PDE4B: variants seen among roughly 807,000 people sequenced by gnomAD.
PDE4B encodes phosphodiesterase 4B.
In PDE4B, 20 loss-of-function variants were observed where a neutral mutation model predicts 82.2. That is an observed-to-expected ratio of 0.24 (90% CI 0.17 to 0.35). The LOEUF is 0.35. PDE4B is among the 10% of genes least tolerant of loss of function. The pLI, the probability that PDE4B is intolerant of heterozygous loss-of-function variation, is 1.00. For missense variants in PDE4B, 655 were observed against 907.2 expected (o/e 0.72, Z 3.57); for synonymous variants, 320 against 318.9 (o/e 1.00, Z -0.04).
chr1:65,835,320 T>G (rs1202753557), intron 1 of PDE4B, among the ~76,000 whole-genome samples: 2 of 152,146 alleles, frequency 1.3e-5, no homozygotes, highest in Non-Finnish European at 2.9e-5. Context: ...CCAAAGCAAT[T>G]CCTGAGCCAT....
chr1:65,948,319 A>T (rs142020339), intron 3 of PDE4B, among the ~76,000 whole-genome samples: 5 of 151,808 alleles, frequency 3.3e-5, no homozygotes, highest in Non-Finnish European at 7.4e-5. Context: ...TATATATATT[A>T]TATATATGAG....
chr1:66,266,012 A>C, intron 6 of PDE4B, 26 bp from the exon 7 acceptor site: 1 of 1,598,992 alleles, frequency 6.3e-7, no homozygotes, highest in Admixed American at 1.7e-5. Flanking sequence ...ACACAGACTC[A>C]GTCCTTCTTT....
rs1290808725 is a variant in PDE4B, at chr1:66,101,712, T to A, written c.282-145748T>A. 1.2e-4 allele frequency among the ~76,000 whole-genome samples: 19 copies of A among 152,226 alleles called. No homozygotes were observed. In the East Asian group the frequency reaches 1.4e-3, roughly 11 times the overall value. ...TTTTCTTGTTAATTTGTTTGAGTTC[T>A]TCGTAGATTCTGGATATTAGCCCTT... On this transcript the variant is annotated intron_variant, in intron 3 of 16. Coordinates refer to ENST00000341517, the MANE Select transcript of PDE4B (RefSeq NM_002600.4).
intron 3 of PDE4B, among the ~76,000 whole-genome samples, chr1:66,011,339 A>G (rs1652476635): frequency 6.6e-6 from 1 of 151,894 alleles, no homozygotes. Flanking sequence ...CTTTAATTGG[A>G]ATTATGTTTC....
At chr1:65,914,604 A>T (rs200869820) in intron 2 of PDE4B, among the ~76,000 whole-genome samples, 1 of 89,954 alleles carries the variant, frequency 1.1e-5, no homozygotes, top group Non-Finnish European at 2.5e-5. Flanking sequence ...TTTTTTTCTT[A>T]AAAAAAAAAA....
chr1:66,026,564 A>C (rs913072713), intron 3 of PDE4B, among the ~76,000 whole-genome samples: 6 of 152,228 alleles, frequency 3.9e-5, no homozygotes, highest in Non-Finnish European at 8.8e-5. Context: ...AATAACACTT[A>C]ATTTATGGGT....
chr1:66,255,317 A>G (rs1375061833), intron 4 of PDE4B, among the ~76,000 whole-genome samples: 4 of 151,794 alleles, frequency 2.6e-5, no homozygotes, highest in Admixed American at 2.6e-4. Flanking sequence ...CAAACTCCCA[A>G]CCTCAGGTGA....
At chr1:66,193,364 C>T (rs1401797000) in intron 3 of PDE4B, among the ~76,000 whole-genome samples, 1 of 152,132 alleles carries the variant, frequency 6.6e-6, no homozygotes, top group Admixed American at 6.6e-5. Flanking sequence ...ACATCCTAGG[C>T]TATTTCTTGG....
chr1:66,259,969 G>A (rs1570575146), intron 6 of PDE4B, among the ~76,000 whole-genome samples: 1 of 152,162 alleles, frequency 6.6e-6, no homozygotes, highest in South Asian at 2.1e-4. Flanking sequence ...TGTAAAATAG[G>A]GTTGTTATGA....
intron 3 of PDE4B, among the ~76,000 whole-genome samples, chr1:65,957,458 T>C (rs1234604691): frequency 6.6e-6 from 1 of 152,050 alleles, no homozygotes; most frequent in Non-Finnish European, 1.5e-5. Flanking sequence ...CTGAGCCTAA[T>C]TAGTAATTTA....
intron 13 of PDE4B, chr1:66,367,403 G>A (rs371325241): frequency 3.0e-4 from 69 of 227,692 alleles, no homozygotes; most frequent in African/African-American, 1.2e-3. Context: ...GCTCAGGAAT[G>A]CCCTTACCTA....
chr1:66,277,627 C>T (rs904306477), intron 7 of PDE4B, among the ~76,000 whole-genome samples: 2 of 152,214 alleles, frequency 1.3e-5, no homozygotes, highest in Non-Finnish European at 2.9e-5. Flanking sequence ...AACTCCTAAC[C>T]TCGTGATCTG....
At chr1:66,192,908 G>A (rs548945412) in intron 3 of PDE4B, among the ~76,000 whole-genome samples, 2 of 152,208 alleles carry the variant, frequency 1.3e-5, no homozygotes, top group South Asian at 4.2e-4. Context: ...TTTTGCAGAT[G>A]AAGAAACAAA....
intron 3 of PDE4B, among the ~76,000 whole-genome samples, chr1:66,207,745 T>C (rs1649669355): frequency 6.6e-6 from 1 of 152,228 alleles, no homozygotes; most frequent in Admixed American, 6.5e-5. Context: ...TATTTATTGC[T>C]GTTCTCTAAG....
chr1:65,837,646 C>T (rs1474025475), intron 1 of PDE4B, among the ~76,000 whole-genome samples: 7 of 152,058 alleles, frequency 4.6e-5, no homozygotes, highest in Admixed American at 3.9e-4. Context: ...AATTCATTAG[C>T]ATCTTCAGTA....
intron 3 of PDE4B, among the ~76,000 whole-genome samples, chr1:66,022,511 C>A (rs556103612): frequency 6.6e-6 from 1 of 152,246 alleles, no homozygotes; most frequent in African/African-American, 2.4e-5. Flanking sequence ...GAGTTTTTAG[C>A]TTGTAGGGCT....
At chr1:66,348,973 A>G (rs1211401580) in intron 8 of PDE4B, among the ~76,000 whole-genome samples, 2 of 152,068 alleles carry the variant, frequency 1.3e-5, no homozygotes, top group East Asian at 1.9e-4. Flanking sequence ...GGAAACGTCA[A>G]TTTTTTAGTG....
chr1:65,859,598 G>A (rs967151978), intron 1 of PDE4B, among the ~76,000 whole-genome samples: 1 of 151,926 alleles, frequency 6.6e-6, no homozygotes, highest in South Asian at 2.1e-4. Context: ...ATGAACGATT[G>A]GTCGTCAAAA....
intron 16 of PDE4B, 37 bp from the exon 17 acceptor site, chr1:66,372,276 A>G (rs764057073): frequency 2.6e-6 from 4 of 1,553,104 alleles, no homozygotes; most frequent in Non-Finnish European, 2.6e-6. Context: ...TTCAAGCACC[A>G]TCACAATAAC....
Sources: gnomAD v4.1 joint callset for allele counts (sites outside exome capture counted in the v4.1 genomes callset) on GRCh38, gnomAD v4.1.1 for gene constraint, MANE v1.5 for transcripts, NCBI Gene and HGNC (gene_info 2026-07-23, HGNC 2026-07-21) for gene names.